Variants in CELF2 observed in about 807,000 individuals in gnomAD.
CELF2 encodes CUG triplet repeat RNA-binding protein 2.
A neutral mutation model predicts 62.6 loss-of-function variants in CELF2; 8 were observed. That is an observed-to-expected ratio of 0.13 (90% CI 0.07 to 0.23). CELF2 has a LOEUF of 0.23. CELF2 is among the 10% of genes least tolerant of loss of function. The pLI, the probability that CELF2 is intolerant of heterozygous loss-of-function variation, is 1.00. For missense variants in CELF2, 333 were observed against 671.0 expected (o/e 0.50, Z 5.56); for synonymous variants, 258 against 250.0 (o/e 1.03, Z -0.30).
At chr10:10,591,105 T>A in the CELF2 span, among the ~76,000 whole-genome samples, 3 of 152,034 alleles carry the variant, frequency 2.0e-5, no homozygotes, top group Non-Finnish European at 4.4e-5. Context: ...ATAGAATATA[T>A]CTAAAAAAAG....
intron 1 of CELF2, among the ~76,000 whole-genome samples, chr10:11,045,024 G>A (rs1415787196): frequency 6.6e-6 from 1 of 152,176 alleles, no homozygotes; most frequent in African/African-American, 2.4e-5. Context: ...AATAAGTAAG[G>A]CTGATATTAA....
At chr10:10,868,352 C>G (rs7071068) in intron 1 of CELF2, among the ~76,000 whole-genome samples, 54,512 of 152,036 alleles carry the variant, frequency 0.36, 11,497 homozygotes, top group East Asian at 0.73. Flanking sequence ...GCTTGTGACT[C>G]GAATACCTAC....
the CELF2 span, among the ~76,000 whole-genome samples, chr10:10,751,939 T>C: frequency 6.6e-6 from 1 of 152,098 alleles, no homozygotes; most frequent in Non-Finnish European, 1.5e-5. Flanking sequence ...TTAAAATACA[T>C]CCACAGATAA....
At chr10:10,696,110 GT>G in the CELF2 span, among the ~76,000 whole-genome samples, 1 of 152,170 alleles carries the variant, frequency 6.6e-6, no homozygotes, top group East Asian at 1.9e-4. Flanking sequence ...CAGTTTTTCT[GT>G]TCTGTTTTTT....
At chr10:11,107,408 T>C (rs546878320) in intron 1 of CELF2, among the ~76,000 whole-genome samples, 4 of 152,132 alleles carry the variant, frequency 2.6e-5, no homozygotes, top group Non-Finnish European at 4.4e-5. Context: ...CATCCACCAA[T>C]AGCCACCTCC....
rs975081138 is a variant in CELF2, at chr10:11,039,176, G to C, written c.74+21013G>C. Among the ~76,000 whole-genome samples the C allele has an allele frequency of 6.6e-6, 1 of 152,214 alleles. No individual in the cohort carries two copies. Among genetic ancestry groups the C allele is most frequent in the Non-Finnish European group, 1.5e-5 (1 of 68,032 alleles). ...GTGGAGGACACTGAGAGCAGAAACC[G>C]TGATGCAGTGAGCCTTCTGCCCACA... On this transcript the variant is annotated intron_variant, in intron 1 of 12. Transcript: ENST00000633077. The surrounding 1 kb of genome is among the most constrained non-coding windows in gnomAD (Gnocchi z 4.1).
the CELF2 span, among the ~76,000 whole-genome samples, chr10:10,499,320 C>T: frequency 2.0e-5 from 3 of 152,106 alleles, no homozygotes; most frequent in African/African-American, 4.8e-5. Context: ...CCTGTCTCAG[C>T]CTCCCGAAGT....
At chr10:10,908,771 C>A (rs2063560098) in intron 1 of CELF2, among the ~76,000 whole-genome samples, 1 of 152,114 alleles carries the variant, frequency 6.6e-6, no homozygotes, top group Non-Finnish European at 1.5e-5. Flanking sequence ...AGCTTTAACA[C>A]AATTGCTGGT....
intron 1 of CELF2, among the ~76,000 whole-genome samples, chr10:11,073,280 A>G (rs2070743155): frequency 6.6e-6 from 1 of 152,220 alleles, no homozygotes; most frequent in Admixed American, 6.5e-5. Flanking sequence ...ATTTTTCTCT[A>G]GGAAGGCTTT....
chr10:10,892,236 T>C (rs772438930), intron 1 of CELF2, among the ~76,000 whole-genome samples: 8 of 152,050 alleles, frequency 5.3e-5, no homozygotes, highest in Non-Finnish European at 1.2e-4. Flanking sequence ...TTCTAGACTA[T>C]TTTCAGGGTC....
chr10:11,165,222 G>T lies in CELF2; in HGVS notation c.75-264G>T, dbSNP rs1466892661. On this transcript the variant is annotated intron_variant, in intron 1 of 12. Coordinates refer to ENST00000633077, the MANE Select transcript of CELF2 (RefSeq NM_001326342.2). This position sits in a 1 kb window ranked among gnomAD's most constrained non-coding sequence, Gnocchi z 7.4. ...CGAGCCTCCAAGATGTCCACGCCCTGGGTGACAGGCGGCAGGGCGCTGCCC... is the reference window on the plus strand; with the variant it reads ...CGAGCCTCCAAGATGTCCACGCCCTTGGTGACAGGCGGCAGGGCGCTGCCC... 4 of 1,314,480 alleles carry T rather than the reference G, an allele frequency of 3.0e-6. No individual in the cohort carries two copies. The highest frequency in any genetic ancestry group is 3.9e-6 in the Non-Finnish European group (4 of 1,028,348). The allele number at this position is 1,314,480 out of a possible 1,614,324, so 81.4% of individuals were successfully genotyped here. A position where few individuals can be genotyped will look rare whatever the true frequency, so the allele number is the denominator to read the frequency against.
the CELF2 span, among the ~76,000 whole-genome samples, chr10:10,480,133 T>G: frequency 1.3e-5 from 2 of 152,122 alleles, no homozygotes; most frequent in African/African-American, 4.8e-5. Flanking sequence ...TCGGTGGTAT[T>G]TAATCTATTT....
intron 11 of CELF2, among the ~76,000 whole-genome samples, chr10:11,323,402 C>G (rs1029450038): frequency 6.9e-6 from 1 of 145,862 alleles, no homozygotes; most frequent in African/African-American, 2.5e-5. Context: ...ATTTTAAAAG[C>G]AAATGATGCC....
intron 2 of CELF2, chr10:10,920,032 G>A (rs1196637325): frequency 2.4e-5 from 29 of 1,219,400 alleles, no homozygotes; most frequent in African/African-American, 3.1e-5. Context: ...TTCTATGCCC[G>A]ATTTCTTATA....
At position 10,975,761 on chromosome 10, in the gene CELF2, A is replaced by G. The variant is rs1025539186; in HGVS notation, c.89+55762A>G. On this transcript the variant is annotated intron_variant, in intron 2 of 13. Transcript: ENST00000636488. ...TGAGCCCCAAAGCTGGGCTTAACCC[A>G]GGCGGGTTCTTGGCTTCATTCAGGA... Among the ~76,000 whole-genome samples, 6 of 152,248 alleles carry G rather than the reference A, an allele frequency of 3.9e-5. No homozygotes were observed. In the South Asian group the frequency reaches 1.2e-3, roughly 31 times the overall value.
the CELF2 span, among the ~76,000 whole-genome samples, chr10:10,672,020 G>T: frequency 6.6e-6 from 1 of 152,096 alleles, no homozygotes; most frequent in African/African-American, 2.4e-5. Context: ...GTAAGCCACC[G>T]TGCCCAGCCT....
the CELF2 span, among the ~76,000 whole-genome samples, chr10:10,712,436 C>A: frequency 6.6e-6 from 1 of 152,136 alleles, no homozygotes; most frequent in South Asian, 2.1e-4. Context: ...CGGTTGTAGG[C>A]CATTTTTTTC....
intron 1 of CELF2, among the ~76,000 whole-genome samples, chr10:10,873,726 A>G (rs1395446917): frequency 6.6e-6 from 1 of 152,072 alleles, no homozygotes; most frequent in African/African-American, 2.4e-5. Flanking sequence ...CATCTCTCCA[A>G]CTTCTCTTTG....
chr10:10,710,911 C>A, the CELF2 span, among the ~76,000 whole-genome samples: 6 of 152,160 alleles, frequency 3.9e-5, no homozygotes, highest in Non-Finnish European at 8.8e-5. Context: ...ACTCTCAACC[C>A]ATTTTAAAAT....
Sources: gnomAD v4.1 joint callset for allele counts (sites outside exome capture counted in the v4.1 genomes callset) on GRCh38, gnomAD v4.1.1 for gene constraint, Gnocchi (gnomAD v3.1) non-coding constraint, MANE v1.5 for transcripts, NCBI Gene and HGNC (gene_info 2026-07-23, HGNC 2026-07-21) for gene names.